Variants in CELF4 observed in about 807,000 individuals in gnomAD.
The protein encoded by CELF4 is CUG-BP- and ETR-3-like factor 4.
In CELF4, 18 loss-of-function variants were observed where a neutral mutation model predicts 59.9. The ratio of observed to expected loss-of-function variants is 0.30; its 90% confidence interval spans 0.21 to 0.45. CELF4 has a LOEUF of 0.45. Among genes scored for constraint, CELF4 ranks in the 20% least tolerant of loss-of-function variants. The probability of loss-of-function intolerance (pLI) is 1.00; values close to 1 mark genes in which losing one functional copy is unlikely to be tolerated. For missense variants in CELF4, 456 were observed against 689.0 expected (o/e 0.66, Z 3.79); for synonymous variants, 261 against 267.1 (o/e 0.98, Z 0.22).
At chr18:37,285,400 C>T (rs1478585138) in intron 3 of CELF4, among the ~76,000 whole-genome samples, 2 of 152,250 alleles carry the variant, frequency 1.3e-5, no homozygotes, top group South Asian at 2.1e-4. Context: ...GCCTGAAGCC[C>T]GTCCTTGGCC....
intron 1 of CELF4, among the ~76,000 whole-genome samples, chr18:37,520,644 G>T (rs2099956280): frequency 6.6e-6 from 1 of 152,120 alleles, no homozygotes; most frequent in African/African-American, 2.4e-5. Flanking sequence ...TAGCTGGCTG[G>T]TTCCCGTAAT....
At position 37,353,231 on chromosome 18, in the gene CELF4, A is replaced by ATAT. The variant is rs1181537087; in HGVS notation, c.370-31351_370-31350insATA. Among the ~76,000 whole-genome samples the ATAT allele has an allele frequency of 2.6e-3, 168 of 64,194 alleles. 1 individual carries two copies. Among genetic ancestry groups the ATAT allele is most frequent in the East Asian group, 0.012 (25 of 2,088 alleles). 42.1% of individuals were successfully genotyped at this position (64,194 alleles called of 152,430 possible). On this transcript the variant is annotated intron_variant, in intron 2 of 12. Coordinates refer to ENST00000420428, the MANE Select transcript of CELF4 (RefSeq NM_020180.4). ...GTGAGACTCCGTCTCAAAAAAAAAA[A>ATAT]AAATATATATATATATATACATAAA...
chr18:37,543,234 CGA>C (rs2099979015), intron 1 of CELF4, among the ~76,000 whole-genome samples: 1 of 152,128 alleles, frequency 6.6e-6, no homozygotes, highest in African/African-American at 2.4e-5. Flanking sequence ...ATTCCCATCC[CGA>C]GAGGAAGAAA....
chr18:37,454,196 T>A (rs2099771741), intron 2 of CELF4, among the ~76,000 whole-genome samples: 1 of 152,116 alleles, frequency 6.6e-6, no homozygotes. Context: ...GAAAAGCAAA[T>A]CATATCCCTT....
chr18:37,377,955 G>A (rs1449965326), intron 2 of CELF4, among the ~76,000 whole-genome samples: 2 of 152,168 alleles, frequency 1.3e-5, no homozygotes, highest in African/African-American at 4.8e-5. Context: ...GAACCTCTAA[G>A]GCAGTGGAAA....
intron 2 of CELF4, among the ~76,000 whole-genome samples, chr18:37,431,111 G>A (rs985839443): frequency 9.9e-5 from 15 of 152,142 alleles, no homozygotes; most frequent in South Asian, 2.1e-4. Flanking sequence ...AGGATGGGCC[G>A]CTGAGCCCTC....
At chr18:37,512,059 C>T (rs1247438213) in intron 1 of CELF4, among the ~76,000 whole-genome samples, 1 of 152,152 alleles carries the variant, frequency 6.6e-6, no homozygotes, top group Non-Finnish European at 1.5e-5. Context: ...ATTGCTGTTT[C>T]CTTGGCAACA....
chr18:37,562,664 G>A (rs999491243), intron 1 of CELF4, among the ~76,000 whole-genome samples: 1 of 152,158 alleles, frequency 6.6e-6, no homozygotes, highest in Non-Finnish European at 1.5e-5. Context: ...AATGGCAAGC[G>A]AGTAATTTTT....
intron 1 of CELF4, among the ~76,000 whole-genome samples, chr18:37,501,170 G>T (rs1232718694): frequency 6.6e-6 from 1 of 152,206 alleles, no homozygotes; most frequent in Non-Finnish European, 1.5e-5. Flanking sequence ...GCATGGCATT[G>T]TGACAAGACA....
At chr18:37,392,715 G>T (rs1345477629) in intron 2 of CELF4, among the ~76,000 whole-genome samples, 2 of 152,222 alleles carry the variant, frequency 1.3e-5, no homozygotes, top group Non-Finnish European at 1.5e-5. Flanking sequence ...CACAAACTCA[G>T]ATGGATTTTG....
intron 2 of CELF4, among the ~76,000 whole-genome samples, chr18:37,408,149 C>T (rs982607234): frequency 6.6e-6 from 1 of 152,128 alleles, no homozygotes; most frequent in African/African-American, 2.4e-5. Context: ...CACCTCACCG[C>T]CCTCCTCTCT....
At chr18:37,280,793 T>A (rs1392539256) in intron 3 of CELF4, among the ~76,000 whole-genome samples, 1 of 152,256 alleles carries the variant, frequency 6.6e-6, no homozygotes, top group African/African-American at 2.4e-5. Flanking sequence ...CTTCTTCACC[T>A]GCCTCCTGAC....
chr18:37,499,414 C>A (rs964862628), intron 1 of CELF4, among the ~76,000 whole-genome samples: 4 of 151,866 alleles, frequency 2.6e-5, no homozygotes, highest in African/African-American at 7.3e-5. Flanking sequence ...TGGGGCGTTG[C>A]AGACAAGGTT....
intron 1 of CELF4, among the ~76,000 whole-genome samples, chr18:37,563,085 T>C (rs115589490): frequency 6.8e-4 from 103 of 150,522 alleles, no homozygotes; most frequent in Non-Finnish European, 1.0e-3. Flanking sequence ...AAAATATATG[T>C]AATATATGTA....
chr18:37,275,925 C>T (rs1207494826), intron 3 of CELF4: 1 of 152,306 alleles, frequency 6.6e-6, no homozygotes, highest in Admixed American at 6.5e-5. Flanking sequence ...AGAGACCAGG[C>T]CTCTCTGCTG....
At chr18:37,475,490 C>T (rs148862896) in intron 2 of CELF4, among the ~76,000 whole-genome samples, 7 of 152,270 alleles carry the variant, frequency 4.6e-5, no homozygotes, top group East Asian at 1.9e-4. Flanking sequence ...CAGGCAAGGG[C>T]GAGATCAGTG....
chr18:37,336,261 T>C (rs1257188898), intron 2 of CELF4, among the ~76,000 whole-genome samples: 2 of 152,210 alleles, frequency 1.3e-5, no homozygotes, highest in South Asian at 2.1e-4. Context: ...CCTCACTCTG[T>C]CACGCAGGCT....
At chr18:37,425,075 T>C (rs559206992) in intron 2 of CELF4, among the ~76,000 whole-genome samples, 17 of 152,242 alleles carry the variant, frequency 1.1e-4, no homozygotes, top group Non-Finnish European at 2.2e-4. Context: ...TGGGACCCAA[T>C]TGTCATTTGT....
intron 1 of CELF4, among the ~76,000 whole-genome samples, chr18:37,524,739 C>A (rs998978658): frequency 6.6e-6 from 1 of 152,198 alleles, no homozygotes; most frequent in African/African-American, 2.4e-5. Context: ...CGGCCCACAG[C>A]CCCTGCTCCC....
Sources: gnomAD v4.1 joint callset for allele counts (sites outside exome capture counted in the v4.1 genomes callset) on GRCh38, gnomAD v4.1.1 for gene constraint, MANE v1.5 for transcripts, NCBI Gene and HGNC (gene_info 2026-07-23, HGNC 2026-07-21) for gene names.